The following CELF4 variants were observed in gnomAD, a reference collection of about 807,000 sequenced individuals.
CELF4 encodes the protein CUGBP Elav-like family member 4.
In CELF4, 18 loss-of-function variants were observed where a neutral mutation model predicts 59.9. The ratio of observed to expected loss-of-function variants is 0.30; its 90% confidence interval spans 0.21 to 0.45. The LOEUF is 0.45. Among genes scored for constraint, CELF4 ranks in the 20% least tolerant of loss-of-function variants. The probability of loss-of-function intolerance (pLI) is 1.00; values close to 1 mark genes in which losing one functional copy is unlikely to be tolerated. For synonymous variants in CELF4, 261 were observed against 267.1 expected, an observed-to-expected ratio of 0.98 and a Z score of 0.22; for missense variants, 456 against 689.0, an observed-to-expected ratio of 0.66 and a Z score of 3.79.
chr18:37,549,848 T>C (rs913506049), intron 1 of CELF4, among the ~76,000 whole-genome samples: 1 of 152,160 alleles, frequency 6.6e-6, no homozygotes, highest in Admixed American at 6.5e-5. Flanking sequence ...CTTAATCTGG[T>C]ATATAATGTG....
At chr18:37,523,272 A>G (rs986170074) in intron 1 of CELF4, among the ~76,000 whole-genome samples, 1 of 152,130 alleles carries the variant, frequency 6.6e-6, no homozygotes, top group Non-Finnish European at 1.5e-5. Context: ...GACAGTTGAC[A>G]TGGATCCATT....
intron 1 of CELF4, among the ~76,000 whole-genome samples, chr18:37,550,090 G>GGA (rs138653705): frequency 8.3e-6 from 1 of 120,652 alleles, no homozygotes; most frequent in Non-Finnish European, 1.7e-5. Flanking sequence ...GGGTGGGGGG[G>GGA]GGGGATCCGT....
chr18:37,264,879 G>A (rs1353468088), intron 9 of CELF4, 122 bp from the exon 10 acceptor site: 1 of 750,486 alleles, frequency 1.3e-6, no homozygotes, highest in East Asian at 2.7e-5. Context: ...CTGCCACTCA[G>A]CCACTTAGGA....
intron 2 of CELF4, among the ~76,000 whole-genome samples, chr18:37,474,360 C>T (rs1228331241): frequency 5.9e-5 from 9 of 152,224 alleles, no homozygotes; most frequent in African/African-American, 1.9e-4. Context: ...GGTGACACCT[C>T]GAGGGCCACT....
At chr18:37,371,849 A>G (rs2098891015) in intron 2 of CELF4, among the ~76,000 whole-genome samples, 1 of 152,220 alleles carries the variant, frequency 6.6e-6, no homozygotes, top group East Asian at 1.9e-4. Context: ...AGGAAGAACA[A>G]GGTTCTTGGG....
At chr18:37,315,690 C>T (rs988117559) in intron 3 of CELF4, among the ~76,000 whole-genome samples, 2 of 152,174 alleles carry the variant, frequency 1.3e-5, no homozygotes, top group African/African-American at 4.8e-5. Flanking sequence ...CGCCCAGTTC[C>T]GCACATGCAC....
intron 1 of CELF4, among the ~76,000 whole-genome samples, chr18:37,491,280 C>T (rs1028448588): frequency 7.3e-5 from 11 of 151,622 alleles, no homozygotes; most frequent in Admixed American, 2.0e-4. Flanking sequence ...AGAGGGACGC[C>T]GTGCCCACCT....
At chr18:37,404,339 A>G (rs1239574878) in intron 2 of CELF4, among the ~76,000 whole-genome samples, 1 of 152,226 alleles carries the variant, frequency 6.6e-6, no homozygotes, top group Admixed American at 6.5e-5. Context: ...CACCCCACAG[A>G]AGAGGAGGCC....
At chr18:37,474,468 C>A in intron 2 of CELF4, among the ~76,000 whole-genome samples, 1 of 152,216 alleles carries the variant, frequency 6.6e-6, no homozygotes, top group East Asian at 1.9e-4. Flanking sequence ...GGGACGGTTC[C>A]TGCCCTCATG....
intron 1 of CELF4, among the ~76,000 whole-genome samples, chr18:37,495,511 A>G (rs2099924171): frequency 6.6e-6 from 1 of 152,118 alleles, no homozygotes; most frequent in African/African-American, 2.4e-5. Context: ...TCCTCAGCAC[A>G]TAAGAATCAC....
chr18:37,332,119 G>T (rs1045061893), intron 2 of CELF4, among the ~76,000 whole-genome samples: 2 of 152,160 alleles, frequency 1.3e-5, no homozygotes, highest in African/African-American at 4.8e-5. Context: ...TTGGCACCAG[G>T]TGCCTTCCCC....
At chr18:37,425,706 C>T (rs574100560) in intron 2 of CELF4, among the ~76,000 whole-genome samples, 2 of 152,342 alleles carry the variant, frequency 1.3e-5, no homozygotes, top group African/African-American at 2.4e-5. Flanking sequence ...ACTTCTAGGG[C>T]CAGGAGCCAG....
At chr18:37,556,604 T>A (rs895522698) in intron 1 of CELF4, among the ~76,000 whole-genome samples, 3 of 152,166 alleles carry the variant, frequency 2.0e-5, no homozygotes. Context: ...CCTACCTGCA[T>A]GGAAGGTGGT....
intron 2 of CELF4, among the ~76,000 whole-genome samples, chr18:37,472,842 A>G (rs1352716631): frequency 6.6e-6 from 1 of 152,236 alleles, no homozygotes; most frequent in Non-Finnish European, 1.5e-5. Flanking sequence ...TTTGGGACCT[A>G]GCCAAACTGG....
chr18:37,519,335 C>T (rs1258341585), intron 1 of CELF4, among the ~76,000 whole-genome samples: 1 of 152,092 alleles, frequency 6.6e-6, no homozygotes, highest in Admixed American at 6.5e-5. Flanking sequence ...AAACCCTTGC[C>T]CGACTTGCTG....
intron 2 of CELF4, among the ~76,000 whole-genome samples, chr18:37,347,742 C>G (rs2098315464): frequency 6.6e-6 from 1 of 152,148 alleles, no homozygotes; most frequent in South Asian, 2.1e-4. Flanking sequence ...CTTGGGTACA[C>G]AGGGGGCAAG....
chr18:37,348,108 G>A lies in CELF4; in HGVS notation c.370-26227C>T, dbSNP rs149249051. On this transcript the variant is annotated intron_variant, in intron 2 of 12. Coordinates refer to ENST00000420428, the MANE Select transcript of CELF4 (RefSeq NM_020180.4). ...CCCTGTGCCCTGCATCCCCAGTTCCGTCTCTGCCTTTGTCTACCTCTGCAT... is the reference window on the plus strand; with the variant it reads ...CCCTGTGCCCTGCATCCCCAGTTCCATCTCTGCCTTTGTCTACCTCTGCAT... 2.6e-5 allele frequency among the ~76,000 whole-genome samples: 4 copies of A among 152,238 alleles called. No individual in the cohort carries two copies. In the East Asian group the frequency reaches 5.8e-4, roughly 22 times the overall value.
At chr18:37,393,380 C>T (rs1453598011) in intron 2 of CELF4, among the ~76,000 whole-genome samples, 1 of 152,180 alleles carries the variant, frequency 6.6e-6, no homozygotes. Context: ...CGTTGTTCTC[C>T]AGGGCACTGG....
intron 9 of CELF4, among the ~76,000 whole-genome samples, chr18:37,265,235 G>A (rs368611044): frequency 1.4e-4 from 21 of 152,064 alleles, no homozygotes; most frequent in East Asian, 5.8e-4. Flanking sequence ...GTGCGCGCAC[G>A]TGCACTTGTG....
Sources: allele counts gnomAD v4.1 joint callset (sites outside exome capture counted in the v4.1 genomes callset), GRCh38; gene constraint gnomAD v4.1.1; transcripts MANE v1.5; gene names NCBI Gene and HGNC (gene_info 2026-07-23, HGNC 2026-07-21).